Variants in LAMB1 observed in about 807,000 individuals in gnomAD.
The protein encoded by LAMB1 is laminin subunit beta 1, also known as laminin subunit beta-1.
In LAMB1, 121 loss-of-function variants were observed where a neutral mutation model predicts 222.3. The observed-to-expected ratio is 0.54, with a 90% confidence interval of 0.47 to 0.63. LAMB1 has a LOEUF of 0.63. Ranked by LOEUF, LAMB1 falls within the 30% of genes least tolerant of loss-of-function variation. The probability of loss-of-function intolerance (pLI) is 0.00; values close to 1 mark genes in which losing one functional copy is unlikely to be tolerated. For synonymous variants in LAMB1, 794 were observed against 807.2 expected, an observed-to-expected ratio of 0.98 and a Z score of 0.28; for missense variants, 2,172 against 2,240.8, an observed-to-expected ratio of 0.97 and a Z score of 0.62.
At chr7:107,976,987 C>T (rs2033876011) in intron 9 of LAMB1, among the ~76,000 whole-genome samples, 1 of 134,090 alleles carries the variant, frequency 7.5e-6, no homozygotes, top group Admixed American at 7.5e-5. Flanking sequence ...CCTTCCTTTC[C>T]TCTTCCTCCT....
intron 24 of LAMB1, among the ~76,000 whole-genome samples, chr7:107,946,739 G>A (rs1398066662): frequency 6.6e-6 from 1 of 152,188 alleles, no homozygotes; most frequent in East Asian, 1.9e-4. Flanking sequence ...AGTCACAATG[G>A]AAATATTAAG....
chr7:107,974,975 G>A lies in LAMB1; in HGVS notation c.1482+11C>T. On this transcript the variant is annotated intron_variant, in intron 12 of 33. Transcript: ENST00000222399. ...CCAACCACCCATCCCACGTAATGAG[G>A]ATTTACTTACCAGGCACTGGTCACA... 1 of 1,488,732 alleles carries A rather than the reference G, an allele frequency of 6.7e-7. No homozygotes were observed. The highest frequency in any genetic ancestry group is 9.4e-7 in the Non-Finnish European group (1 of 1,068,276). The allele number at this position is 1,488,732 out of a possible 1,614,324, so 92.2% of individuals were successfully genotyped here.
chr7:107,986,319 A>G lies in LAMB1; in HGVS notation c.468T>C (p.Phe156=), dbSNP rs149792171. 5.7e-4 allele frequency: 920 copies of G among 1,610,072 alleles called. 7 individuals carry two copies. In the African/African-American group the frequency reaches 7.8e-3, roughly 14 times the overall value. The change falls in exon 6 of 34, where the codon TTT becomes TTC. Residue 156 remains phenylalanine, a synonymous_variant. Transcript: ENST00000222399. ...ATCTATACACACCCCAGGTTTTCCC[A>G]AAGTCGGACGATCGTTCTATCAGCA... The part of the protein sequence containing the change: ...AAMLIERSSD[F]GKTWGVYRYF...
At chr7:107,949,279 TTC>T (rs1303369893) in intron 24 of LAMB1, among the ~76,000 whole-genome samples, 2 of 152,210 alleles carry the variant, frequency 1.3e-5, no homozygotes, top group African/African-American at 4.8e-5. Context: ...ACATGAACAA[TTC>T]TCTGATTGAC....
intron 24 of LAMB1, among the ~76,000 whole-genome samples, chr7:107,941,490 C>A (rs1403897893): frequency 6.6e-6 from 1 of 152,088 alleles, no homozygotes; most frequent in East Asian, 1.9e-4. Flanking sequence ...GCATCGGACT[C>A]AGGGTTAACT....
intron 7 of LAMB1, among the ~76,000 whole-genome samples, chr7:107,983,454 C>T (rs1466959466): frequency 6.6e-6 from 1 of 151,430 alleles, no homozygotes; most frequent in Non-Finnish European, 1.5e-5. Flanking sequence ...ACAGCAACAT[C>T]AACAGCAACA....
intron 24 of LAMB1, among the ~76,000 whole-genome samples, chr7:107,948,236 C>A (rs1490746980): frequency 3.3e-5 from 5 of 152,188 alleles, no homozygotes; most frequent in African/African-American, 9.6e-5. Context: ...ATCCGCCCGC[C>A]TTGGCCTCCC....
At chr7:107,976,158 T>G (rs2033850540) in intron 9 of LAMB1, among the ~76,000 whole-genome samples, 1 of 152,128 alleles carries the variant, frequency 6.6e-6, no homozygotes, top group Non-Finnish European at 1.5e-5. Context: ...TAAGGGAAAG[T>G]CCCTTTGGAA....
In LAMB1 at chr7:107,955,469, A is replaced by G. The variant is rs377019532; in HGVS notation, c.2852T>C (p.Ile951Thr). The G allele has an allele frequency of 6.2e-7, 1 of 1,612,754 alleles. No homozygotes were observed. Among genetic ancestry groups the G allele is most frequent in the Non-Finnish European group, 8.5e-7 (1 of 1,179,220 alleles). ...CCCAAAGTATGCACACGACTTACCA[A>G]TGTATCCAGGATCACAAACACAGGC... Reference protein sequence around the residue: ...QLACVCDPGYIGSRCDDCASG... With the variant: ...QLACVCDPGYTGSRCDDCASG... The change falls in exon 21 of 34, where the codon ATT becomes ACT. Residue 951 changes from isoleucine (I) to threonine (T), a missense_variant and splice_region_variant. By Grantham distance (89) the Ile-to-Thr change is moderately conservative. Coordinates refer to ENST00000222399, the MANE Select transcript of LAMB1 (RefSeq NM_002291.3).
chr7:107,988,443 CAAAAA>C (rs755574071), intron 5 of LAMB1, among the ~76,000 whole-genome samples: 2 of 138,474 alleles, frequency 1.4e-5, no homozygotes, highest in Admixed American at 7.0e-5. Context: ...ATGTCTCAAA[CAAAAA>C]AAAAGAAAAA....
At chr7:107,988,103 T>C (rs2034113667) in intron 5 of LAMB1, among the ~76,000 whole-genome samples, 1 of 152,216 alleles carries the variant, frequency 6.6e-6, no homozygotes, top group African/African-American at 2.4e-5. Flanking sequence ...TAGAAAGGGA[T>C]GGAACTGACC....
intron 31 of LAMB1, 78 bp downstream of exon 31, chr7:107,928,986 C>T (rs2032637504): frequency 1.5e-6 from 2 of 1,355,196 alleles, no homozygotes; most frequent in Non-Finnish European, 2.1e-6. Flanking sequence ...AATTTCTGTT[C>T]ATAGATAACA....
In LAMB1 at chr7:107,975,340, G is replaced by A. The variant is rs1482219277; in HGVS notation, c.1263C>T (p.Leu421=). 7.4e-6 allele frequency: 12 copies of A among 1,613,846 alleles called. No homozygotes were observed. The highest frequency in any genetic ancestry group is 9.3e-6 in the Non-Finnish European group (11 of 1,179,790). ...ATTTACACCGACACTGGCCAGCAAT[G>A]AGACCAGTAGAAAAATCAGTATAGC... ...CDSYTDFSTG[L]IAGQCRCKLN... is the part of the protein sequence containing the mutation. The change falls in exon 11 of 34, where the codon CTC becomes CTT. Residue 421 remains leucine, a synonymous_variant. Coordinates refer to ENST00000222399, the MANE Select transcript of LAMB1 (RefSeq NM_002291.3).
chr7:107,945,105 T>G (rs1244891520), intron 24 of LAMB1, among the ~76,000 whole-genome samples: 1 of 152,226 alleles, frequency 6.6e-6, no homozygotes, highest in Non-Finnish European at 1.5e-5. Flanking sequence ...AATGAGATAC[T>G]CATTTTAACA....
rs771795114 is a variant in LAMB1 at position 107,929,571 on chromosome 7, A to C, written c.4586T>G (p.Leu1529Trp). 1.5e-5 allele frequency: 24 copies of C among 1,613,994 alleles called. No individual in the cohort carries two copies. The highest frequency in any genetic ancestry group is 8.5e-7 in the Non-Finnish European group (1 of 1,180,008). Residue 1529 changes from leucine to tryptophan, a missense_variant, in exon 30 of 34, where the codon TTG becomes TGG. Transcript: ENST00000222399. ...DSIEAVANEVLKMEMPSTPQQ... is the reference protein window; with the variant it reads ...DSIEAVANEVWKMEMPSTPQQ... ...TGGGGTGCTAGGCATCTCCATTTTC[A>C]ATACTTCATTAGCAACTGCTTCAAT... is the stretch of plus-strand genomic sequence containing the variant.
In LAMB1 at chr7:107,926,341, C is replaced by G; in HGVS notation, c.4906G>C (p.Ala1636Pro). The change falls in exon 32 of 34, where the codon GCT becomes CCT. Residue 1636 changes from alanine (A) to proline (P), a missense_variant. Transcript: ENST00000222399. ...GCGTTGAACAAGGTTTCCTCAGAAG[C>G]TGCTGTTTCAGACTCAATCTAAAAG... ...LLTSIESETA[A>P]SEETLFNASQ... 2 of 1,613,792 alleles carry G rather than the reference C, an allele frequency of 1.2e-6. No individual in the cohort carries two copies. The highest frequency in any genetic ancestry group is 1.7e-6 in the Non-Finnish European group (2 of 1,179,772).
chr7:107,968,455 G>A (rs191235385), intron 13 of LAMB1, among the ~76,000 whole-genome samples: 1 of 152,280 alleles, frequency 6.6e-6, no homozygotes, highest in Admixed American at 6.5e-5. Flanking sequence ...ACCTCATATG[G>A]CAAAAGGAAC....
chr7:107,968,736 G>A lies in LAMB1; in HGVS notation c.1563-4049C>T, dbSNP rs527974543. On this transcript the variant is annotated intron_variant, in intron 13 of 33. Transcript: ENST00000222399. Reference sequence around the variant, plus strand: ...CAAAAGAAGGGGAACCTCAGCCTACGACTGCAAGGAGCAGAATCCTGCCAA... The same window carrying A: ...CAAAAGAAGGGGAACCTCAGCCTACAACTGCAAGGAGCAGAATCCTGCCAA... 8.9e-4 allele frequency among the ~76,000 whole-genome samples: 135 copies of A among 152,276 alleles called. 2 individuals are homozygous for A. Among genetic ancestry groups the A allele is most frequent in the African/African-American group, 3.1e-3 (127 of 41,556 alleles).
chr7:107,998,242 G>A lies in LAMB1; in HGVS notation c.349+115C>T. The stretch of plus-strand genomic sequence containing the variant: ...GCTCCAGGCAGTCAATCTGTCAGAG[G>A]CCATAATTACAGGACAGAGAAGTGA... On this transcript the variant is annotated intron_variant, in intron 4 of 33. Coordinates refer to ENST00000222399, the MANE Select transcript of LAMB1 (RefSeq NM_002291.3). 4 of 974,652 alleles carry A rather than the reference G, an allele frequency of 4.1e-6. No homozygotes were observed. In the Admixed American group the frequency reaches 8.9e-5, roughly 22 times the overall value. The allele number at this position is 974,652 out of a possible 1,614,324, so 60.4% of individuals were successfully genotyped here.
Sources: allele counts gnomAD v4.1 joint callset (sites outside exome capture counted in the v4.1 genomes callset), GRCh38; gene constraint gnomAD v4.1.1; transcripts MANE v1.5; gene names NCBI Gene and HGNC (gene_info 2026-07-23, HGNC 2026-07-21).